The following MAX variants were observed in gnomAD, a reference collection of about 807,000 sequenced individuals.
The protein encoded by MAX is MYC associated transcriptional regulator X, also known as protein max.
A neutral mutation model predicts 22.3 loss-of-function variants in MAX; 3 were observed. That is an observed-to-expected ratio of 0.13 (90% CI 0.06 to 0.35). The LOEUF is 0.35. MAX is among the 10% of genes least tolerant of loss of function. The pLI is 1.00. For missense variants in MAX, 119 were observed against 209.4 expected, an observed-to-expected ratio of 0.57 and a Z score of 2.66; for synonymous variants, 72 against 77.7, an observed-to-expected ratio of 0.93 and a Z score of 0.39.
intron 3 of MAX, among the ~76,000 whole-genome samples, chr14:65,092,941 T>G (rs1238348105): frequency 6.6e-6 from 1 of 152,206 alleles, no homozygotes; most frequent in African/African-American, 2.4e-5. Flanking sequence ...TCCAATGAAT[T>G]GCTACAGACA....
At position 65,044,885 on chromosome 14, in the gene MAX, A is replaced by G. The variant is rs1014431621; in HGVS notation, c.172-38601T>C. 1 of 145,164 alleles carries G rather than the reference A, an allele frequency of 6.9e-6. No homozygotes were observed. The highest frequency in any genetic ancestry group is 6.9e-5 in the Admixed American group (1 of 14,398). The allele number at this position is 145,164 out of a possible 1,614,324, so 9.0% of individuals were successfully genotyped here. On this transcript the variant is annotated intron_variant, in intron 3 of 3. Coordinates refer to the MAX transcript ENST00000341653. This position sits in a 1 kb window ranked among gnomAD's most constrained non-coding sequence, Gnocchi z 5.5. The stretch of plus-strand genomic sequence containing the variant: ...GTAAAGGGGTAGAGAACCAGAACCC[A>G]TGTGTAGGGGTGGGTTGTAGGGGTG...
chr14:65,052,037 A>T (rs937736435), intron 3 of MAX, among the ~76,000 whole-genome samples: 3 of 152,028 alleles, frequency 2.0e-5, no homozygotes, highest in Non-Finnish European at 4.4e-5. Flanking sequence ...CCTCGTGATC[A>T]ACCCCCCTCA....
intron 1 of MAX, 52 bp from the exon 2 acceptor site, chr14:65,101,624 C>T (rs1025117960): frequency 4.5e-6 from 6 of 1,339,222 alleles, no homozygotes; most frequent in East Asian, 4.9e-5. Context: ...TATTTTTACA[C>T]TTAACATTCA....
intron 3 of MAX, among the ~76,000 whole-genome samples, chr14:65,043,828 C>CAAAAAAAAAAAAAAAA (rs749243788): frequency 3.1e-5 from 2 of 64,244 alleles, no homozygotes; most frequent in African/African-American, 5.7e-5. Context: ...GACTCCGTCT[C>CAAAAAAAAAAAAAAAA]AAAAAAAAAA....
chr14:65,090,978 C>T (rs992325340), intron 3 of MAX, among the ~76,000 whole-genome samples: 5 of 151,946 alleles, frequency 3.3e-5, no homozygotes, highest in African/African-American at 4.8e-5. Context: ...AGGCTTAGGA[C>T]GCATATGACA....
Position 65,078,916 on chromosome 14 carries a change from C to A in MAX, c.172-880G>T, listed in dbSNP as rs1030784489. 6.6e-6 allele frequency among the ~76,000 whole-genome samples: 1 copy of A among 152,140 alleles called. No homozygotes were observed. Reference sequence around the variant, plus strand: ...TCTCAGAGGTAGCTCTACTAAGAACCCAAGGATCAGAGAAGTACACCGCTT... The same window carrying A: ...TCTCAGAGGTAGCTCTACTAAGAACACAAGGATCAGAGAAGTACACCGCTT... On this transcript the variant is annotated intron_variant, in intron 3 of 4. Transcript: ENST00000358664. This position sits in a 1 kb window ranked among gnomAD's most constrained non-coding sequence, Gnocchi z 6.4.
In MAX at chr14:65,046,792, A is replaced by G. The variant is rs541647631; in HGVS notation, c.172-40508T>C. ...ATGTGTGGAATCCCATTTTTAGTGA[A>G]GAGTTGACTACAAAAAATTCATAGA... On this transcript the variant is annotated intron_variant, in intron 3 of 3. Transcript: ENST00000341653. Among the ~76,000 whole-genome samples, 4 of 152,308 alleles carry G rather than the reference A, an allele frequency of 2.6e-5. No individual in the cohort carries two copies. The South Asian group carries it at 8.3e-4, about 32-fold the overall frequency.
chr14:65,045,943 C>T (rs1480791792), intron 3 of MAX, among the ~76,000 whole-genome samples: 58 of 152,148 alleles, frequency 3.8e-4, no homozygotes, highest in Admixed American at 3.8e-3. Context: ...GCCTTGACCA[C>T]CAGTAGGGAA....
chr14:65,102,243 A>G (rs1387511787), intron 1 of MAX, 61 bp downstream of exon 1: 1 of 1,606,602 alleles, frequency 6.2e-7, no homozygotes, highest in East Asian at 2.3e-5. Context: ...CCCCGCTAAG[A>G]GCCCCGGCCG....
chr14:65,010,366 G>C (rs978939684), intron 3 of MAX, among the ~76,000 whole-genome samples: 5 of 152,206 alleles, frequency 3.3e-5, no homozygotes, highest in African/African-American at 1.2e-4. Context: ...CGTAGTCTGT[G>C]TGTGTAACCT....
chr14:65,012,235 CGT>C lies in MAX; in HGVS notation c.172-5953_172-5952del. On this transcript the variant is annotated intron_variant, in intron 3 of 3. Coordinates refer to the MAX transcript ENST00000341653. This position sits in a 1 kb window ranked among gnomAD's most constrained non-coding sequence, Gnocchi z 5.0. ...GACGTCCTGAAGCTGAGTGTTTACC[CGT>C]GTGTGTGTACGTGCACATACGTGTG... 1.2e-5 allele frequency: 18 copies of C among 1,553,270 alleles called. No homozygotes were observed. The highest frequency in any genetic ancestry group is 1.7e-4 in the Middle Eastern group (1 of 5,904).
At position 65,093,746 on chromosome 14, in the gene MAX, T is replaced by C. The variant is rs780865640; in HGVS notation, c.133A>G (p.Ser45Gly). The C allele has an allele frequency of 2.5e-6, 4 of 1,612,104 alleles. No homozygotes were observed. The African/African-American group carries it at 4.0e-5, about 16-fold the overall frequency. The change falls in exon 3 of 5, where the codon AGT (serine) becomes GGT (glycine). Residue 45 changes from serine to glycine, a missense_variant. Around this residue, in one of 3 missense-constraint regions of MAX, gnomAD observed 95 missense variants for 148.1 expected, o/e 0.64. Coordinates refer to ENST00000358664, the MANE Select transcript of MAX (RefSeq NM_002382.5). The surrounding 1 kb of genome is among the most constrained non-coding windows in gnomAD (Gnocchi z 4.4). ...AGTGATGGGACTGAGTCCCGCAAAC[T>C]GTGAAAGCTGTCTTTGATGTGGTCC... is the stretch of plus-strand genomic sequence containing the variant. ...RRDHIKDSFHSLRDSVPSLQG... is the reference protein window; with the variant it reads ...RRDHIKDSFHGLRDSVPSLQG...
At chr14:65,071,344 AC>A (rs1438899900), downstream of MAX, among the ~76,000 whole-genome samples, 6 of 152,142 alleles carry the variant, frequency 3.9e-5, no homozygotes, top group African/African-American at 1.4e-4. The surrounding 1 kb of genome is among the most constrained non-coding windows in gnomAD (Gnocchi z 4.2). Flanking sequence ...GGGTTTCACC[AC>A]ATTGACCAGG....
intron 3 of MAX, among the ~76,000 whole-genome samples, chr14:65,091,189 T>C (rs1030946435): frequency 5.3e-5 from 8 of 152,224 alleles, no homozygotes; most frequent in Non-Finnish European, 1.0e-4. Flanking sequence ...AATGAGCCTA[T>C]TTCCTTTAGT....
At chr14:65,006,156 CTTTTTT>C, downstream of MAX, 14 of 1,500,688 alleles carry the variant, frequency 9.3e-6, no homozygotes, top group Admixed American at 4.1e-5. Flanking sequence ...ACCTTTGTGT[CTTTTTT>C]TTTTTTTTTT....
chr14:65,012,435 ATCC>A lies in MAX; in HGVS notation c.172-6154_172-6152del, dbSNP rs754828494. On this transcript the variant is annotated intron_variant, in intron 3 of 3. Transcript: ENST00000341653. This position sits in a 1 kb window ranked among gnomAD's most constrained non-coding sequence, Gnocchi z 5.0. The stretch of plus-strand genomic sequence containing the variant: ...CTCTTGCTGTCAAATTATCCACCAA[ATCC>A]TCCTCCTTTTTCTATTTAAACGTAA... The A allele has an allele frequency of 2.5e-6, 4 of 1,610,010 alleles. No homozygotes were observed. The African/African-American group carries it at 4.0e-5, about 16-fold the overall frequency.
At position 65,093,116 on chromosome 14, in the gene MAX, G is replaced by A. The variant is rs1014936316; in HGVS notation, c.171+592C>T. Among the ~76,000 whole-genome samples, 1 of 152,236 alleles carries A rather than the reference G, an allele frequency of 6.6e-6. No homozygotes were observed. Among genetic ancestry groups the A allele is most frequent in the African/African-American group, 2.4e-5 (1 of 41,470 alleles). On this transcript the variant is annotated intron_variant, in intron 3 of 4. Transcript: ENST00000358664. The surrounding 1 kb of genome is among the most constrained non-coding windows in gnomAD (Gnocchi z 4.4). ...CAGGGAAAACACTAGGTTCCAGAAG[G>A]GAGTGGGGAAGAATGGTTATTTTTT...
chr14:65,075,138 A>C lies in MAX; in HGVS notation c.*1338T>G. On this transcript the variant is annotated 3_prime_UTR_variant, in exon 5 of 5. Transcript: ENST00000358664. This position sits in a 1 kb window ranked among gnomAD's most constrained non-coding sequence, Gnocchi z 4.1. ...ACACCACCACCAAGAAGGATAAAAT[A>C]AGTTTTTATTTATAGTCTTATAGTA... is the stretch of plus-strand genomic sequence containing the variant. 2 of 1,020,592 alleles carry C rather than the reference A, an allele frequency of 2.0e-6. No homozygotes were observed. Among genetic ancestry groups the C allele is most frequent in the Non-Finnish European group, 2.4e-6 (2 of 850,730 alleles). 63.2% of individuals were successfully genotyped at this position (1,020,592 alleles called of 1,614,324 possible). A position where few individuals can be genotyped will look rare whatever the true frequency, so the allele number is the denominator to read the frequency against.
intron 3 of MAX, among the ~76,000 whole-genome samples, chr14:65,049,477 C>T (rs2062559755): frequency 6.6e-6 from 1 of 152,176 alleles, no homozygotes; most frequent in Admixed American, 6.5e-5. Flanking sequence ...AGTTATCACC[C>T]TATAATCGTA....
Sources: gnomAD v4.1 joint callset for allele counts (sites outside exome capture counted in the v4.1 genomes callset) on GRCh38, gnomAD v4.1.1 for gene constraint, gnomAD v4.1.1 regional missense constraint, Gnocchi (gnomAD v3.1) non-coding constraint, MANE v1.5 for transcripts, NCBI Gene and HGNC (gene_info 2026-07-23, HGNC 2026-07-21) for gene names.